The following ERC1 variants were observed in gnomAD, a reference collection of about 807,000 sequenced individuals.
ERC1 encodes the protein RAB6 interacting protein 2.
Under a neutral mutation model 132.0 loss-of-function variants are expected in ERC1, and 56 were observed. That is an observed-to-expected ratio of 0.42 (90% CI 0.34 to 0.53). ERC1 has a LOEUF of 0.53. Among genes scored for constraint, ERC1 ranks in the 20% least tolerant of loss-of-function variants. The pLI, the probability that ERC1 is intolerant of heterozygous loss-of-function variation, is 0.03. For missense variants in ERC1, 1,202 were observed against 1,349.9 expected (o/e 0.89, Z 1.72); for synonymous variants, 478 against 476.1 (o/e 1.00, Z -0.05).
intron 17 of ERC1, chr12:1,410,416 CCAAT>C (rs1261310155): frequency 1.5e-6 from 2 of 1,324,228 alleles, no homozygotes; most frequent in African/African-American, 1.5e-5. Context: ...ATGGGCATAG[CCAAT>C]CAGAGGCTTA....
chr12:1,247,054 A>G (rs2076197426), intron 13 of ERC1, among the ~76,000 whole-genome samples: 1 of 148,580 alleles, frequency 6.7e-6, no homozygotes, highest in Non-Finnish European at 1.5e-5. Context: ...ACTTGAGCCC[A>G]GGAGTTTGAG....
At chr12:1,191,731 C>A (rs1955753213) in intron 12 of ERC1, among the ~76,000 whole-genome samples, 1 of 151,986 alleles carries the variant, frequency 6.6e-6, no homozygotes, top group African/African-American at 2.4e-5. Flanking sequence ...TGTAAATGAT[C>A]TACTCTTTCC....
intron 14 of ERC1, among the ~76,000 whole-genome samples, chr12:1,282,672 G>T (rs765615866): frequency 3.9e-5 from 6 of 152,208 alleles, no homozygotes; most frequent in Non-Finnish European, 8.8e-5. Flanking sequence ...TAGAATTTAT[G>T]TATGTAGGTA....
In ERC1 at chr12:1,036,195, C is replaced by T. The variant is rs77877386; in HGVS notation, c.669+7623C>T. Among the ~76,000 whole-genome samples, 1,481 of 151,892 alleles carry T rather than the reference C, an allele frequency of 9.8e-3. 7 individuals are homozygous for T. The highest frequency in any genetic ancestry group is 0.017 in the Non-Finnish European group (1,136 of 67,954). ...TTTGGAGTCTGATTTTTATGTTGCT[C>T]ATTTACTTAGGAATCGAGAATTTCT... On this transcript the variant is annotated intron_variant, in intron 2 of 18. Transcript: ENST00000360905.
chr12:1,464,502 T>C (rs1258478598), intron 18 of ERC1, among the ~76,000 whole-genome samples: 1 of 143,212 alleles, frequency 7.0e-6, no homozygotes, highest in Admixed American at 7.2e-5. Flanking sequence ...CAGCAAAGAA[T>C]GCAAAAGCCT....
chr12:1,167,717 C>CTTTTTTTTTTTT, intron 8 of ERC1, among the ~76,000 whole-genome samples: 1 of 136,420 alleles, frequency 7.3e-6, no homozygotes, highest in Non-Finnish European at 1.6e-5. Flanking sequence ...TTTTTCTTTT[C>CTTTTTTTTTTTT]TTTTTTTTTT....
chr12:1,208,692 TG>T (rs1333982631), intron 12 of ERC1, among the ~76,000 whole-genome samples: 2 of 152,184 alleles, frequency 1.3e-5, no homozygotes, highest in Non-Finnish European at 2.9e-5. Context: ...GTGTTCCAGT[TG>T]TGTCTTCTTT....
At chr12:1,047,764 T>C (rs1971308287) in intron 2 of ERC1, among the ~76,000 whole-genome samples, 1 of 152,230 alleles carries the variant, frequency 6.6e-6, no homozygotes, top group Admixed American at 6.5e-5. Context: ...TTTGTGCTCC[T>C]CTGAAGGTTA....
intron 3 of ERC1, among the ~76,000 whole-genome samples, chr12:1,100,227 T>G (rs919024448): frequency 1.3e-5 from 2 of 151,788 alleles, no homozygotes; most frequent in Non-Finnish European, 2.9e-5. Flanking sequence ...TGAAAGGCCT[T>G]AAGTCAAGAG....
chr12:1,224,069 C>T (rs2074366888), intron 12 of ERC1, among the ~76,000 whole-genome samples: 1 of 152,072 alleles, frequency 6.6e-6, no homozygotes, highest in African/African-American at 2.4e-5. Flanking sequence ...ATATACATTC[C>T]AGAAATACCC....
chr12:1,103,368 G>A (rs982531408), intron 3 of ERC1, among the ~76,000 whole-genome samples: 2 of 152,174 alleles, frequency 1.3e-5, no homozygotes, highest in African/African-American at 2.4e-5. Flanking sequence ...AGTTGGAGTC[G>A]AATGGGGAGC....
intron 2 of ERC1, among the ~76,000 whole-genome samples, chr12:1,039,208 G>A (rs1257792996): frequency 6.6e-6 from 1 of 151,760 alleles, no homozygotes; most frequent in Non-Finnish European, 1.5e-5. Context: ...GTGGTGGTGG[G>A]CGCCTGTAGT....
intron 4 of ERC1, among the ~76,000 whole-genome samples, chr12:1,107,803 C>A (rs1199785813): frequency 1.3e-5 from 2 of 152,118 alleles, no homozygotes; most frequent in Non-Finnish European, 2.9e-5. Context: ...GGGAGAATGT[C>A]AACCCTTTCC....
Position 1,120,534 on chromosome 12 carries a change from A to G in ERC1, c.1569+4501A>G, listed in dbSNP as rs568895951. On this transcript the variant is annotated intron_variant, in intron 7 of 18. Coordinates refer to ENST00000360905, the MANE Select transcript of ERC1 (RefSeq NM_178040.4). ...CTAGTAACACTGGGACTTTTGATAT[A>G]TCATTTACAGTATTCTCAAGAATTA... Among the ~76,000 whole-genome samples the G allele has an allele frequency of 2.0e-5, 3 of 152,182 alleles. No homozygotes were observed. In the East Asian group the frequency reaches 5.8e-4, roughly 29 times the overall value.
chr12:1,126,467 CAG>C (rs1948171705), intron 7 of ERC1, among the ~76,000 whole-genome samples: 3 of 152,250 alleles, frequency 2.0e-5, no homozygotes, highest in East Asian at 1.9e-4. Flanking sequence ...CTAGATGAAA[CAG>C]TGAACTCTAG....
intron 15 of ERC1, among the ~76,000 whole-genome samples, chr12:1,353,879 T>G (rs1389912324): frequency 6.6e-6 from 1 of 152,208 alleles, no homozygotes; most frequent in Non-Finnish European, 1.5e-5. Flanking sequence ...AATTTTGTAT[T>G]CTTTATCTTG....
intron 17 of ERC1, among the ~76,000 whole-genome samples, chr12:1,414,434 CTAA>C (rs2092007688): frequency 6.6e-6 from 1 of 152,114 alleles, no homozygotes; most frequent in African/African-American, 2.4e-5. Flanking sequence ...CCCTCAGGAC[CTAA>C]TAATCTTCCC....
At chr12:1,369,736 T>C (rs565745418) in intron 15 of ERC1, among the ~76,000 whole-genome samples, 1 of 152,302 alleles carries the variant, frequency 6.6e-6, no homozygotes, top group East Asian at 1.9e-4. Flanking sequence ...ATTATCCCTT[T>C]AGTGTTGACT....
intron 16 of ERC1, among the ~76,000 whole-genome samples, 157 bp downstream of exon 16, chr12:1,372,134 C>T (rs1331521197): frequency 2.6e-5 from 4 of 152,108 alleles, no homozygotes; most frequent in East Asian, 1.9e-4. Context: ...TTTTTATCTC[C>T]GCAAATCTGT....
Sources: allele counts gnomAD v4.1 joint callset (sites outside exome capture counted in the v4.1 genomes callset), GRCh38; gene constraint gnomAD v4.1.1; transcripts MANE v1.5; gene names NCBI Gene and HGNC (gene_info 2026-07-23, HGNC 2026-07-21).